DCBLD2: variants seen among roughly 807,000 people sequenced by gnomAD.
The protein encoded by DCBLD2 is discoidin, CUB and LCCL domain-containing protein 2.
A neutral mutation model predicts 86.8 loss-of-function variants in DCBLD2; 54 were observed. That is an observed-to-expected ratio of 0.62 (90% CI 0.50 to 0.78). The LOEUF (loss-of-function observed/expected upper bound fraction) is 0.78. Among genes scored for constraint, DCBLD2 ranks in the 30% least tolerant of loss-of-function variants. DCBLD2 has a pLI of 0.00. For synonymous variants in DCBLD2, 354 were observed against 341.3 expected (o/e 1.04, Z -0.41); for missense variants, 908 against 954.2 (o/e 0.95, Z 0.64).
rs1941657933 is a variant in DCBLD2, at chr3:98,798,756, A to C, written c.*616T>G. 1 of 152,434 alleles carries C rather than the reference A, an allele frequency of 6.6e-6. No homozygotes were observed. Among genetic ancestry groups the C allele is most frequent in the Admixed American group, 6.5e-5 (1 of 15,300 alleles). The allele number at this position is 152,434 out of a possible 1,614,324, so 9.4% of individuals were successfully genotyped here. On this transcript the variant is annotated 3_prime_UTR_variant, in exon 16 of 16. Coordinates refer to ENST00000326840, the MANE Select transcript of DCBLD2 (RefSeq NM_080927.4). ...CCAGGCCATATACTGTGAAGCATTA[A>C]AGCTCTAAAGAGTGTCACAAAGTGA...
At chr3:98,852,261 T>C (rs1315549250) in intron 2 of DCBLD2, among the ~76,000 whole-genome samples, 3 of 152,076 alleles carry the variant, frequency 2.0e-5, no homozygotes, top group African/African-American at 2.4e-5. Context: ...TTTTTTTTTT[T>C]TTTTTAAAGG....
chr3:98,860,791 C>T (rs1456702036), intron 2 of DCBLD2, among the ~76,000 whole-genome samples: 2 of 152,182 alleles, frequency 1.3e-5, no homozygotes, highest in African/African-American at 4.8e-5. Flanking sequence ...TAAAGACCAT[C>T]AATGCTTGGA....
chr3:98,871,739 G>A (rs1401295131), intron 2 of DCBLD2, among the ~76,000 whole-genome samples: 1 of 152,038 alleles, frequency 6.6e-6, no homozygotes, highest in East Asian at 1.9e-4. Flanking sequence ...AGTTTTCCTT[G>A]TTTGTTGTGT....
intron 9 of DCBLD2, 87 bp downstream of exon 9, chr3:98,817,682 A>G (rs1942047476): frequency 2.2e-6 from 3 of 1,338,948 alleles, no homozygotes; most frequent in South Asian, 1.3e-5. Flanking sequence ...CTAAACTTCT[A>G]CATCTCTTTT....
intron 1 of DCBLD2, among the ~76,000 whole-genome samples, chr3:98,899,811 T>A (rs1413688400): frequency 6.6e-6 from 1 of 152,140 alleles, no homozygotes; most frequent in Non-Finnish European, 1.5e-5. Flanking sequence ...TTCAAGGAGT[T>A]AATAAACCCA....
At chr3:98,865,849 T>A (rs1943133231) in intron 2 of DCBLD2, among the ~76,000 whole-genome samples, 1 of 145,066 alleles carries the variant, frequency 6.9e-6, no homozygotes, top group Non-Finnish European at 1.5e-5. Context: ...CCTAATGCTA[T>A]CCCTCCTCCC....
intron 3 of DCBLD2, among the ~76,000 whole-genome samples, chr3:98,831,116 G>A (rs1324079355): frequency 6.6e-6 from 1 of 151,624 alleles, no homozygotes; most frequent in Non-Finnish European, 1.5e-5. Context: ...GCCCAGGCTG[G>A]AGTGCAGTGC....
intron 1 of DCBLD2, among the ~76,000 whole-genome samples, chr3:98,891,781 C>A (rs1943665848): frequency 6.6e-6 from 1 of 152,128 alleles, no homozygotes; most frequent in South Asian, 2.1e-4. Context: ...TTCCACTCTG[C>A]CAAGAATAAC....
At chr3:98,889,325 A>G (rs987445214) in intron 1 of DCBLD2, among the ~76,000 whole-genome samples, 1 of 151,950 alleles carries the variant, frequency 6.6e-6, no homozygotes, top group African/African-American at 2.4e-5. Flanking sequence ...ACTCAAAGTC[A>G]AGTCAATGTT....
intron 1 of DCBLD2, among the ~76,000 whole-genome samples, chr3:98,884,551 A>C (rs572653939): frequency 1.4e-4 from 21 of 152,208 alleles, no homozygotes; most frequent in African/African-American, 4.6e-4. Flanking sequence ...ACTCTTAAAC[A>C]ATCACTAACA....
At chr3:98,880,066 A>C (rs892513327) in intron 2 of DCBLD2, among the ~76,000 whole-genome samples, 3 of 152,186 alleles carry the variant, frequency 2.0e-5, no homozygotes, top group African/African-American at 4.8e-5. Context: ...TGTGTTCCTA[A>C]AACTTTGTTC....
intron 2 of DCBLD2, among the ~76,000 whole-genome samples, chr3:98,855,190 T>C (rs984523080): frequency 3.3e-5 from 5 of 152,048 alleles, no homozygotes; most frequent in African/African-American, 1.2e-4. Context: ...TGTAAACAGA[T>C]TTTTTATAAA....
At position 98,799,575 on chromosome 3, in the gene DCBLD2, G is replaced by A. The variant is rs1941677183; in HGVS notation, c.2125C>T (p.Pro709Ser). 1 of 1,614,002 alleles carries A rather than the reference G, an allele frequency of 6.2e-7. No homozygotes were observed. Among genetic ancestry groups the A allele is most frequent in the Non-Finnish European group, 8.5e-7 (1 of 1,179,882 alleles). Residue 709 changes from proline (P) to serine (S), a missense_variant, in exon 16 of 16, where the codon CCC becomes TCC. Physicochemically the swap from Pro to Ser is moderately conservative, Grantham distance 74. Coordinates refer to ENST00000326840, the MANE Select transcript of DCBLD2 (RefSeq NM_080927.4). ...GTATTGTAAGTTCCCACTAGTGGGG[G>A]AGGTTGGTTCCCCGTAGCCTTGAAA... ...STFKATGNQP[P>S]PLVGTYNTLL...
chr3:98,893,395 A>G (rs933753437), intron 1 of DCBLD2, among the ~76,000 whole-genome samples: 1 of 151,932 alleles, frequency 6.6e-6, no homozygotes. Context: ...AAAAAAAAAA[A>G]AGAAACCAAT....
chr3:98,839,771 A>G (rs942902308), intron 3 of DCBLD2, among the ~76,000 whole-genome samples: 6 of 152,196 alleles, frequency 3.9e-5, no homozygotes, highest in Middle Eastern at 3.2e-3. Context: ...TGTTAGTAAG[A>G]AAAAAATACT....
At chr3:98,889,100 T>A (rs1364739001) in intron 1 of DCBLD2, among the ~76,000 whole-genome samples, 1 of 151,990 alleles carries the variant, frequency 6.6e-6, no homozygotes, top group Non-Finnish European at 1.5e-5. Flanking sequence ...CTTTCTGATA[T>A]CTTCGCTTTC....
chr3:98,859,124 C>G (rs985323431), intron 2 of DCBLD2, among the ~76,000 whole-genome samples: 17 of 152,302 alleles, frequency 1.1e-4, no homozygotes, highest in African/African-American at 4.1e-4. Flanking sequence ...GAGGCTCACT[C>G]ATTGCTAGCA....
At chr3:98,817,365 C>T (rs753578184) in intron 9 of DCBLD2, among the ~76,000 whole-genome samples, 1 of 152,154 alleles carries the variant, frequency 6.6e-6, no homozygotes, top group East Asian at 1.9e-4. Flanking sequence ...ATTTAATGCA[C>T]GTTGGTTTTC....
At chr3:98,843,820 A>G (rs1010919121) in intron 3 of DCBLD2, among the ~76,000 whole-genome samples, 13 of 152,160 alleles carry the variant, frequency 8.5e-5, no homozygotes, top group Non-Finnish European at 1.2e-4. Context: ...ATGAGTTCCG[A>G]TTAGGAACTA....
Sources: gnomAD v4.1 joint callset for allele counts (sites outside exome capture counted in the v4.1 genomes callset) on GRCh38, gnomAD v4.1.1 for gene constraint, MANE v1.5 for transcripts, NCBI Gene and HGNC (gene_info 2026-07-23, HGNC 2026-07-21) for gene names.